KRT75: variants seen among roughly 807,000 people sequenced by gnomAD.
KRT75 encodes the protein keratin, type II cytoskeletal 75.
A neutral mutation model predicts 48.8 loss-of-function variants in KRT75; 35 were observed. The observed-to-expected ratio is 0.72, with a 90% CI of 0.55 to 0.95. KRT75 has a LOEUF of 0.95. KRT75 is among the 40% of genes least tolerant of loss of function. The pLI is 0.00. For missense variants in KRT75, 776 were observed against 709.9 expected, an observed-to-expected ratio of 1.09 and a Z score of -1.06; for synonymous variants, 301 against 282.3, an observed-to-expected ratio of 1.07 and a Z score of -0.66.
rs532576973 is a variant in KRT75 at position 52,431,955 on chromosome 12, C to T, written c.774+51G>A. 5 of 1,584,432 alleles carry T rather than the reference C, an allele frequency of 3.2e-6. No individual in the cohort carries two copies. The East Asian group carries it at 8.9e-5, about 28-fold the overall frequency. ...GGGTCAGAGGTCAGGTTACCCCACA[C>T]TCCAGATTCCATTTTAAACCTTCTC... On this transcript the variant is annotated intron_variant, in intron 3 of 8. Coordinates refer to ENST00000252245, the MANE Select transcript of KRT75 (RefSeq NM_004693.3).
chr12:52,429,180 T>A (rs1940112123), intron 5 of KRT75, among the ~76,000 whole-genome samples: 1 of 152,072 alleles, frequency 6.6e-6, no homozygotes, highest in Admixed American at 6.5e-5. Context: ...CATGGTGAGT[T>A]CTAGGAGTGA....
chr12:52,430,250 T>C (rs1168382222), intron 5 of KRT75, among the ~76,000 whole-genome samples: 1 of 152,112 alleles, frequency 6.6e-6, no homozygotes, highest in African/African-American at 2.4e-5. Context: ...AGAAACTGCT[T>C]CATGACTGTG....
chr12:52,433,400 G>A, intron 1 of KRT75, 148 bp from the exon 2 acceptor site: 2 of 769,144 alleles, frequency 2.6e-6, no homozygotes, highest in Non-Finnish European at 4.3e-6. Context: ...CCAAAAGGAG[G>A]CAGTCCATGG....
At chr12:52,431,048 C>T (rs1940138062) in intron 4 of KRT75, among the ~76,000 whole-genome samples, 1 of 152,176 alleles carries the variant, frequency 6.6e-6, no homozygotes, top group South Asian at 2.1e-4. Context: ...ACACTGCTTC[C>T]CCCTGCACAG....
At position 52,430,573 on chromosome 12, in the gene KRT75, G is replaced by A. The variant is rs2232397; in HGVS notation, c.1003C>T (p.Arg335Trp). ...TGGTACCAGGACTCAGCCTCGGCCC[G>A]GCTGCGGTTGGCAATGTCCTCGTAT... ...AQYEDIANRS[R>W]AEAESWYQTK... Residue 335 changes from arginine (R) to tryptophan (W), a missense_variant, in exon 5 of 9, where the codon CGG becomes TGG. Physicochemically the swap from Arg to Trp is moderately radical, Grantham distance 101. Transcript: ENST00000252245. 2.4e-4 allele frequency: 392 copies of A among 1,614,092 alleles called. 2 individuals are homozygous for A. In the African/African-American group the frequency reaches 3.9e-3, roughly 16 times the overall value.
chr12:52,432,186 T>A (rs1940154330), intron 2 of KRT75, 120 bp from the exon 3 acceptor site: 1 of 870,830 alleles, frequency 1.1e-6, no homozygotes, highest in African/African-American at 1.7e-5. Flanking sequence ...GACCTGGGCA[T>A]GACTTTGGGT....
rs367875148 is a variant in KRT75, at chr12:52,433,263, G to C, written c.499-11C>G. 1.2e-6 allele frequency: 2 copies of C among 1,610,712 alleles called. No individual in the cohort carries two copies. Among genetic ancestry groups the C allele is most frequent in the South Asian group, 2.2e-5 (2 of 91,014 alleles). On this transcript the variant is annotated splice_polypyrimidine_tract_variant and intron_variant, in intron 1 of 8. Transcript: ENST00000252245. ...CTCCAAGAACCTCACCTGGAGGGAA[G>C]AAGAGAGAATGAAACCTTGAGAAGT... is the stretch of plus-strand genomic sequence containing the variant.
intron 5 of KRT75, among the ~76,000 whole-genome samples, chr12:52,430,158 A>C (rs754680869): frequency 6.6e-6 from 1 of 152,042 alleles, no homozygotes; most frequent in Non-Finnish European, 1.5e-5. Flanking sequence ...CTCTGTTTGC[A>C]GTTTATTTAT....
chr12:52,430,306 G>A (rs1348866667), intron 5 of KRT75, among the ~76,000 whole-genome samples: 1 of 152,102 alleles, frequency 6.6e-6, no homozygotes, highest in Non-Finnish European at 1.5e-5. Context: ...CAGATCTTGA[G>A]GAATGTGGGG....
chr12:52,433,552 G>A (rs572017961), intron 1 of KRT75, among the ~76,000 whole-genome samples: 2 of 152,162 alleles, frequency 1.3e-5, no homozygotes, highest in African/African-American at 2.4e-5. Flanking sequence ...CAACTCTCCT[G>A]TAGAGAATCA....
chr12:52,424,868 C>T, intron 8 of KRT75, 113 bp from the exon 9 acceptor site: 1 of 835,078 alleles, frequency 1.2e-6, no homozygotes, highest in Non-Finnish European at 2.1e-6. Flanking sequence ...TCTCGTCAGC[C>T]AGCAGTTTGC....
At position 52,430,679 on chromosome 12, in the gene KRT75, G is replaced by T. The variant is rs769006994; in HGVS notation, c.897C>A (p.Val299=). The T allele has an allele frequency of 4.3e-6, 7 of 1,614,030 alleles. No individual in the cohort carries two copies. The African/African-American group carries it at 9.3e-5, about 22-fold the overall frequency. Residue 299 remains valine, a synonymous_variant, in exon 5 of 9, where the codon GTC becomes GTA. Coordinates refer to ENST00000252245, the MANE Select transcript of KRT75 (RefSeq NM_004693.3). ...TGGACAGCACCACGGATGTGTCACC[G>T]ACCTGGGTCTGCAACTGGGACAGCT... ...DAELSQLQTQ[V]GDTSVVLSMD...
chr12:52,430,954 G>C (rs1302116039), intron 4 of KRT75, among the ~76,000 whole-genome samples: 2 of 152,142 alleles, frequency 1.3e-5, no homozygotes, highest in Non-Finnish European at 2.9e-5. Flanking sequence ...CTCTGAATTG[G>C]AATTACATAG....
Position 52,434,103 on chromosome 12 carries a change from C to A in KRT75, c.202G>T (p.Ala68Ser), listed in dbSNP as rs764477831. 5.6e-6 allele frequency: 9 copies of A among 1,614,182 alleles called. No individual in the cohort carries two copies. Among genetic ancestry groups the A allele is most frequent in the Middle Eastern group, 1.6e-4 (1 of 6,062 alleles). ...CACCCATTGATGGAGACCCGCTTGG[C>A]ACCCCCCAGGTTGTAGAGGCTGCGG... ...GSRSLYNLGG[A>S]KRVSINGCGS... is the part of the protein sequence containing the mutation. The change falls in exon 1 of 9, where the codon GCC becomes TCC. Residue 68 changes from alanine (A) to serine (S), a missense_variant. Transcript: ENST00000252245.
chr12:52,434,327 G>A lies in KRT75; in HGVS notation c.-23C>T, dbSNP rs2232383. On this transcript the variant is annotated 5_prime_UTR_variant, in exon 1 of 9. Transcript: ENST00000252245. Reference sequence around the variant, plus strand: ...CATGGTGGGTGAGGAAGGCCGGCGAGAAGGCACCTGAGGTGGGCTGGTACA... The same window carrying A: ...CATGGTGGGTGAGGAAGGCCGGCGAAAAGGCACCTGAGGTGGGCTGGTACA... 3.0e-3 allele frequency: 4,784 copies of A among 1,578,826 alleles called. 133 individuals carry two copies. The African/African-American group carries it at 0.058, about 19-fold the overall frequency.
intron 8 of KRT75, among the ~76,000 whole-genome samples, 164 bp from the exon 9 acceptor site, chr12:52,424,919 G>T (rs1480604637): frequency 2.0e-5 from 3 of 152,182 alleles, no homozygotes; most frequent in Non-Finnish European, 4.4e-5. Flanking sequence ...CACTGCCTGT[G>T]TTCCTGAGCT....
intron 1 of KRT75, 41 bp downstream of exon 1, chr12:52,433,766 T>G: frequency 6.2e-7 from 1 of 1,613,704 alleles, no homozygotes; most frequent in Non-Finnish European, 8.5e-7. Flanking sequence ...AAGAGTTTAT[T>G]TGATCCCAAA....
At chr12:52,431,460 G>T in intron 4 of KRT75, 83 bp downstream of exon 4, 1 of 1,045,192 alleles carries the variant, frequency 9.6e-7, no homozygotes, top group Non-Finnish European at 1.5e-6. Flanking sequence ...CAGAGGCACT[G>T]AATGAATGAA....
chr12:52,433,371 T>A (rs1440350435), intron 1 of KRT75, 119 bp from the exon 2 acceptor site: 1 of 924,866 alleles, frequency 1.1e-6, no homozygotes. Context: ...TTGACAATAA[T>A]GTAACTGACA....
Sources: allele counts gnomAD v4.1 joint callset (sites outside exome capture counted in the v4.1 genomes callset), GRCh38; gene constraint gnomAD v4.1.1; transcripts MANE v1.5; gene names NCBI Gene and HGNC (gene_info 2026-07-23, HGNC 2026-07-21).